The following FBXL7 variants were observed in gnomAD, a reference collection of about 807,000 sequenced individuals.
FBXL7 encodes the protein F-box/LRR-repeat protein 7.
In FBXL7, 12 loss-of-function variants were observed where a neutral mutation model predicts 38.3. The ratio of observed to expected loss-of-function variants is 0.31; its 90% CI spans 0.20 to 0.51. The LOEUF is 0.51. Ranked by LOEUF, FBXL7 falls within the 20% of genes least tolerant of loss-of-function variation. The pLI is 0.98. For synonymous variants in FBXL7, 297 were observed against 300.9 expected (o/e 0.99, Z 0.13); for missense variants, 567 against 676.4 (o/e 0.84, Z 1.79).
intron 2 of FBXL7, among the ~76,000 whole-genome samples, chr5:15,651,088 C>CTTTTTTTTTTTTTTTTTTT: frequency 7.0e-6 from 1 of 142,144 alleles, no homozygotes; most frequent in Non-Finnish European, 1.5e-5. Context: ...AAACATACTT[C>CTTTTTTTTTTTTTTTTTTT]TTTTTTTTTT....
At chr5:15,651,246 G>A (rs779864649) in intron 2 of FBXL7, among the ~76,000 whole-genome samples, 18 of 151,608 alleles carry the variant, frequency 1.2e-4, no homozygotes, top group Non-Finnish European at 1.9e-4. Flanking sequence ...ACAGGCACCC[G>A]CCATCATGCC....
chr5:15,759,966 A>G (rs1736396115), intron 2 of FBXL7, among the ~76,000 whole-genome samples: 1 of 152,218 alleles, frequency 6.6e-6, no homozygotes, highest in African/African-American at 2.4e-5. Flanking sequence ...ACATTTTACT[A>G]GGTGGAATCA....
chr5:15,756,177 A>G (rs1321990970), intron 2 of FBXL7, among the ~76,000 whole-genome samples: 1 of 152,150 alleles, frequency 6.6e-6, no homozygotes, highest in East Asian at 1.9e-4. Context: ...CCCTGCTCAG[A>G]CTTTTTTTTC....
At position 15,719,215 on chromosome 5, in the gene FBXL7, C is replaced by T. The variant is rs566058732; in HGVS notation, c.127+103143C>T. Among the ~76,000 whole-genome samples the T allele has an allele frequency of 3.7e-4, 56 of 152,154 alleles. 1 individual carries two copies. The highest frequency in any genetic ancestry group is 2.7e-3 in the South Asian group (13 of 4,808). ...AATAATAGCAAGTTCAGGCTTTGTT[C>T]CTGAGACCTCTGTCTTAACATGACA... On this transcript the variant is annotated intron_variant, in intron 2 of 3. Transcript: ENST00000504595.
At chr5:15,770,308 G>A (rs1017469111) in intron 2 of FBXL7, among the ~76,000 whole-genome samples, 6 of 152,162 alleles carry the variant, frequency 3.9e-5, no homozygotes, top group African/African-American at 1.4e-4. Context: ...CGCCCTTGCA[G>A]CTGGGGAGGG....
chr5:15,645,067 A>G (rs1237538746), intron 2 of FBXL7, among the ~76,000 whole-genome samples: 4 of 152,172 alleles, frequency 2.6e-5, no homozygotes, highest in African/African-American at 9.7e-5. Context: ...TTTAACCACA[A>G]TCTGGACACA....
At chr5:15,625,604 A>G (rs1740787052) in intron 2 of FBXL7, among the ~76,000 whole-genome samples, 1 of 152,226 alleles carries the variant, frequency 6.6e-6, no homozygotes, top group South Asian at 2.1e-4. Flanking sequence ...CAGTGAGCCA[A>G]CATTACACCA....
At chr5:15,629,708 T>C (rs887951032) in intron 2 of FBXL7, among the ~76,000 whole-genome samples, 11 of 152,182 alleles carry the variant, frequency 7.2e-5, no homozygotes, top group African/African-American at 1.9e-4. Flanking sequence ...AATTGTGTTT[T>C]TTTCAGCTCC....
At chr5:15,814,405 C>T (rs1737955399) in intron 2 of FBXL7, among the ~76,000 whole-genome samples, 1 of 152,062 alleles carries the variant, frequency 6.6e-6, no homozygotes, top group Non-Finnish European at 1.5e-5. Flanking sequence ...GGGAAGGGAA[C>T]ATCGCACACT....
intron 2 of FBXL7, among the ~76,000 whole-genome samples, chr5:15,926,661 C>A (rs1021415142): frequency 6.6e-6 from 1 of 152,024 alleles, no homozygotes; most frequent in Non-Finnish European, 1.5e-5. Flanking sequence ...TCCTTATCAG[C>A]GATCTTTCTA....
chr5:15,885,767 G>A (rs1433544575), intron 2 of FBXL7, among the ~76,000 whole-genome samples: 3 of 152,216 alleles, frequency 2.0e-5, no homozygotes, highest in African/African-American at 7.2e-5. Flanking sequence ...GGCAGGCAGT[G>A]GTGTGATCAC....
rs542836143 is a variant in FBXL7 at position 15,520,669 on chromosome 5, G to A, written c.37+19956G>A. On this transcript the variant is annotated intron_variant, in intron 1 of 3. Coordinates refer to ENST00000504595, the MANE Select transcript of FBXL7 (RefSeq NM_012304.5). ...ATAAGTAGTGATCAAGTTTCCTAAC[G>A]GGAAATATTTCCGATATTTGCTTTA... Among the ~76,000 whole-genome samples the A allele has an allele frequency of 2.6e-5, 4 of 152,252 alleles. No homozygotes were observed. In the East Asian group the frequency reaches 7.7e-4, roughly 29 times the overall value.
intron 1 of FBXL7, among the ~76,000 whole-genome samples, chr5:15,541,367 TACACATATATATATACAC>T (rs1012989896): frequency 1.4e-5 from 2 of 145,744 alleles, no homozygotes; most frequent in Non-Finnish European, 3.0e-5. Context: ...TATGTATATA[TACACATATATATATACAC>T]ACACATATAT....
intron 2 of FBXL7, among the ~76,000 whole-genome samples, chr5:15,751,381 A>G (rs113411186): frequency 1.1e-3 from 167 of 152,314 alleles, no homozygotes; most frequent in African/African-American, 3.8e-3. Flanking sequence ...TTCTGTAAAC[A>G]TGGAGGTTTA....
intron 1 of FBXL7, among the ~76,000 whole-genome samples, chr5:15,595,054 A>G (rs901468443): frequency 6.6e-6 from 1 of 152,168 alleles, no homozygotes; most frequent in African/African-American, 2.4e-5. Context: ...AACTTCTCCC[A>G]TGGGCTCCAC....
chr5:15,779,370 G>C (rs1472679644), intron 2 of FBXL7, among the ~76,000 whole-genome samples: 1 of 152,082 alleles, frequency 6.6e-6, no homozygotes. Flanking sequence ...TAAAGAAAAT[G>C]TTTGAAGTAA....
chr5:15,647,936 T>C (rs1331924958), intron 2 of FBXL7, among the ~76,000 whole-genome samples: 1 of 152,234 alleles, frequency 6.6e-6, no homozygotes, highest in African/African-American at 2.4e-5. Flanking sequence ...TTTCTCACAC[T>C]GCCTCTGTGA....
chr5:15,585,499 G>A (rs979059204), intron 1 of FBXL7, among the ~76,000 whole-genome samples: 5 of 152,166 alleles, frequency 3.3e-5, no homozygotes, highest in African/African-American at 1.2e-4. Flanking sequence ...AATTTCAAAA[G>A]TGCCAACAGT....
intron 2 of FBXL7, among the ~76,000 whole-genome samples, chr5:15,814,888 G>A (rs1737973830): frequency 6.6e-6 from 1 of 152,064 alleles, no homozygotes; most frequent in South Asian, 2.1e-4. Context: ...CACAGCAGTG[G>A]CCTGGCGCTG....
Sources: gnomAD v4.1 joint callset for allele counts (sites outside exome capture counted in the v4.1 genomes callset) on GRCh38, gnomAD v4.1.1 for gene constraint, MANE v1.5 for transcripts, NCBI Gene and HGNC (gene_info 2026-07-23, HGNC 2026-07-21) for gene names.